Variants in TRIQK observed in about 807,000 individuals in gnomAD.
The protein encoded by TRIQK is triple QxxK/R motif-containing protein.
A neutral mutation model predicts 10.8 loss-of-function variants in TRIQK; 10 were observed. The ratio of observed to expected loss-of-function variants is 0.92; its 90% CI spans 0.57 to 1.57. The LOEUF is 1.57. Ranked by LOEUF, TRIQK falls within the 40% of genes most tolerant of loss-of-function variation. The pLI, the probability that TRIQK is intolerant of heterozygous loss-of-function variation, is 0.00. For missense variants in TRIQK, 107 were observed against 97.7 expected (o/e 1.09, Z -0.40); for synonymous variants, 33 against 33.7 (o/e 0.98, Z 0.07).
intron 1 of TRIQK, among the ~76,000 whole-genome samples, chr8:92,991,047 A>T (rs1434127312): frequency 2.0e-5 from 3 of 152,122 alleles, no homozygotes; most frequent in Non-Finnish European, 2.9e-5. Context: ...GTTGACGAGG[A>T]ACACTCTGGC....
chr8:92,887,475 A>G (rs1406779204), intron 4 of TRIQK, among the ~76,000 whole-genome samples: 1 of 151,524 alleles, frequency 6.6e-6, no homozygotes, highest in African/African-American at 2.4e-5. Context: ...GATAAAAATC[A>G]TATTATCTCT....
intron 1 of TRIQK, among the ~76,000 whole-genome samples, chr8:92,993,875 G>T (rs538379144): frequency 6.6e-6 from 1 of 152,120 alleles, no homozygotes; most frequent in Non-Finnish European, 1.5e-5. Context: ...ATAGAGGTTT[G>T]TTATTTTCCT....
chr8:92,947,611 A>AT (rs1811623513), intron 2 of TRIQK, among the ~76,000 whole-genome samples: 1 of 142,174 alleles, frequency 7.0e-6, no homozygotes. Context: ...AAAAAAAAAA[A>AT]GCCTTCATTT....
intron 3 of TRIQK, among the ~76,000 whole-genome samples, chr8:92,903,458 C>T (rs554217231): frequency 6.6e-6 from 1 of 152,022 alleles, no homozygotes; most frequent in Non-Finnish European, 1.5e-5. Context: ...GGTGTCCCTG[C>T]TTGATGCATG....
At chr8:92,903,916 T>C (rs1037918901) in intron 3 of TRIQK, among the ~76,000 whole-genome samples, 1 of 151,928 alleles carries the variant, frequency 6.6e-6, no homozygotes, top group Admixed American at 6.6e-5. Flanking sequence ...AAAAGAAGAA[T>C]ACAGTTGGCA....
At chr8:92,888,255 G>A (rs1044898234) in intron 4 of TRIQK, among the ~76,000 whole-genome samples, 6 of 151,712 alleles carry the variant, frequency 4.0e-5, no homozygotes, top group African/African-American at 1.4e-4. Context: ...TTGATTGGAG[G>A]CCATGATTCA....
intron 2 of TRIQK, among the ~76,000 whole-genome samples, chr8:92,928,996 G>A (rs1378125554): frequency 6.6e-6 from 1 of 152,174 alleles, no homozygotes; most frequent in African/African-American, 2.4e-5. Flanking sequence ...TAGAAAGGAA[G>A]TTCTATTTGG....
At chr8:92,937,787 T>A (rs1177399383) in intron 2 of TRIQK, among the ~76,000 whole-genome samples, 1 of 151,908 alleles carries the variant, frequency 6.6e-6, no homozygotes, top group African/African-American at 2.4e-5. Flanking sequence ...AAAAGTAAAC[T>A]TCCAATCTCA....
intron 2 of TRIQK, among the ~76,000 whole-genome samples, chr8:92,925,328 T>C (rs1810393875): frequency 6.6e-6 from 1 of 152,062 alleles, no homozygotes; most frequent in Admixed American, 6.6e-5. Context: ...CATGACTTTG[T>C]AGAGGCAAAT....
intron 1 of TRIQK, among the ~76,000 whole-genome samples, chr8:93,006,147 G>A (rs1052054096): frequency 2.0e-5 from 3 of 152,082 alleles, no homozygotes; most frequent in Admixed American, 6.5e-5. Flanking sequence ...AAACATTGAC[G>A]AGGACCACCT....
chr8:92,980,496 G>T (rs1467099189), intron 1 of TRIQK, among the ~76,000 whole-genome samples: 1 of 151,974 alleles, frequency 6.6e-6, no homozygotes, highest in Non-Finnish European at 1.5e-5. Flanking sequence ...CTTTGTACAA[G>T]ATGGGAAATT....
At chr8:92,981,513 T>A (rs1015865792) in intron 1 of TRIQK, among the ~76,000 whole-genome samples, 1 of 151,892 alleles carries the variant, frequency 6.6e-6, no homozygotes. Context: ...TTTTTATATT[T>A]TTTAGTTTCA....
At chr8:92,886,769 T>C (rs1333929118) in intron 4 of TRIQK, 34 bp from the exon 5 acceptor site, 1 of 1,180,488 alleles carries the variant, frequency 8.5e-7, no homozygotes, top group Admixed American at 2.0e-5. Context: ...TTGAAATTGA[T>C]GAAAAAAGAT....
chr8:92,907,474 T>C (rs1279254877), intron 3 of TRIQK, among the ~76,000 whole-genome samples: 3 of 152,190 alleles, frequency 2.0e-5, no homozygotes, highest in South Asian at 2.1e-4. Context: ...TCAAGGTACA[T>C]AATCAACAGA....
chr8:92,981,841 A>G (rs1000194285), intron 1 of TRIQK, among the ~76,000 whole-genome samples: 1 of 151,852 alleles, frequency 6.6e-6, no homozygotes, highest in Non-Finnish European at 1.5e-5. Flanking sequence ...AAAAAGAGAT[A>G]TCTTTCTCAT....
chr8:92,946,084 G>T (rs988149356), intron 2 of TRIQK, among the ~76,000 whole-genome samples: 1 of 152,006 alleles, frequency 6.6e-6, no homozygotes, highest in African/African-American at 2.4e-5. Context: ...ATACTTTGAT[G>T]ATATACAGAA....
chr8:92,937,176 T>C (rs141957004), intron 2 of TRIQK, among the ~76,000 whole-genome samples: 1,564 of 151,970 alleles, frequency 0.01, 17 homozygotes, highest in Non-Finnish European at 0.016. Context: ...AATTTATTCA[T>C]AAGTGAAATA....
chr8:93,014,658 A>G (rs1367301457), intron 1 of TRIQK, among the ~76,000 whole-genome samples: 5 of 152,064 alleles, frequency 3.3e-5, no homozygotes, highest in Non-Finnish European at 5.9e-5. Flanking sequence ...TTGCAAATAG[A>G]GTGTTTAGAC....
At chr8:92,975,351 A>T (rs992405344) in intron 1 of TRIQK, among the ~76,000 whole-genome samples, 8 of 152,244 alleles carry the variant, frequency 5.3e-5, no homozygotes, top group African/African-American at 1.9e-4. Flanking sequence ...AATTTTTAAT[A>T]CAAATACAAT....
Sources: gnomAD v4.1 joint callset for allele counts (sites outside exome capture counted in the v4.1 genomes callset) on GRCh38, gnomAD v4.1.1 for gene constraint, MANE v1.5 for transcripts, NCBI Gene and HGNC (gene_info 2026-07-23, HGNC 2026-07-21) for gene names.